Variants in GNAI1 observed in about 807,000 individuals in gnomAD.
GNAI1 encodes G protein subunit alpha i1.
Under a neutral mutation model 38.9 loss-of-function variants are expected in GNAI1, and 11 were observed. The observed-to-expected ratio is 0.28, with a 90% CI of 0.18 to 0.47. The LOEUF is 0.47. Ranked by LOEUF, GNAI1 falls within the 20% of genes least tolerant of loss-of-function variation. The probability of loss-of-function intolerance (pLI) is 0.99; values close to 1 mark genes in which losing one functional copy is unlikely to be tolerated. For missense variants in GNAI1, 317 were observed against 436.9 expected (o/e 0.73, Z 2.45); for synonymous variants, 166 against 145.1 (o/e 1.14, Z -1.04).
intron 1 of GNAI1, among the ~76,000 whole-genome samples, chr7:80,152,701 C>T (rs1423092852): frequency 6.6e-6 from 1 of 151,678 alleles, no homozygotes; most frequent in Non-Finnish European, 1.5e-5. Context: ...GCTGGGACTA[C>T]AGGCGCCTGC....
At chr7:80,209,644 T>C (rs1458634409) in intron 5 of GNAI1, among the ~76,000 whole-genome samples, 2 of 152,292 alleles carry the variant, frequency 1.3e-5, no homozygotes, top group African/African-American at 4.8e-5. Context: ...TGGGTTGTTA[T>C]TGACATCTGT....
chr7:80,154,501 T>C lies in GNAI1; in HGVS notation c.118+19223T>C, dbSNP rs549933812. ...TGGCAGGAATGAGGTGGCAACATGA[T>C]TTTTTGAACACTGTGTATACATTAA... is the stretch of plus-strand genomic sequence containing the variant. On this transcript the variant is annotated intron_variant, in intron 1 of 7. Transcript: ENST00000649796. Among the ~76,000 whole-genome samples, 15 of 152,134 alleles carry C rather than the reference T, an allele frequency of 9.9e-5. No homozygotes were observed. The South Asian group carries it at 3.1e-3, about 32-fold the overall frequency.
Position 80,225,434 on chromosome 7 carries a change from G to T in GNAI1, c.*7941G>T, listed in dbSNP as rs191495761. On this transcript the variant is annotated 3_prime_UTR_variant, in exon 8 of 8. Transcript: ENST00000649796. ...TGCAGCCAAATCAAAAGATTAGTGG[G>T]GTTTTTTTTAATGTTGTTATTGTGT... Among the ~76,000 whole-genome samples the T allele has an allele frequency of 3.1e-3, 476 of 151,674 alleles. 1 individual carries two copies. Among genetic ancestry groups the T allele is most frequent in the Non-Finnish European group, 5.2e-3 (356 of 67,828 alleles).
chr7:80,145,193 A>G (rs976863984), intron 1 of GNAI1, among the ~76,000 whole-genome samples: 1 of 152,184 alleles, frequency 6.6e-6, no homozygotes, highest in Admixed American at 6.5e-5. Context: ...TTTTATTTAA[A>G]CTTTTCAGAA....
chr7:80,182,162 A>G (rs953072379), intron 1 of GNAI1, among the ~76,000 whole-genome samples: 1 of 152,092 alleles, frequency 6.6e-6, no homozygotes, highest in Non-Finnish European at 1.5e-5. Flanking sequence ...GTTTATCCAT[A>G]CTATCACGAA....
At chr7:80,163,608 C>T (rs1787961076) in intron 1 of GNAI1, among the ~76,000 whole-genome samples, 1 of 152,054 alleles carries the variant, frequency 6.6e-6, no homozygotes, top group African/African-American at 2.4e-5. Context: ...TAGTTTTAGC[C>T]CATTATTGTT....
chr7:80,199,229 A>G lies in GNAI1; in HGVS notation c.308A>G (p.Asp103Gly), dbSNP rs1258014515. ...AAATGTCCTTTGAATGTTCAGGATG[A>G]TGCACGCCAACTCTTTGTGCTAGCT... The part of the protein sequence containing the change: ...IDFGDSARAD[D>G]ARQLFVLAGA... The change falls in exon 4 of 8, where the codon GAT (aspartate) becomes GGT (glycine). Residue 103 changes from aspartate (D) to glycine (G), a missense_variant. By Grantham distance (94) the Asp-to-Gly change is moderately conservative. Around this residue, in one of 5 missense-constraint regions of GNAI1, gnomAD observed 67 missense variants for 61.5 expected, o/e 1.09. Transcript: ENST00000649796. 4 of 1,607,560 alleles carry G rather than the reference A, an allele frequency of 2.5e-6. No homozygotes were observed. The East Asian group carries it at 8.9e-5, about 36-fold the overall frequency.
rs369995461 is a variant in GNAI1, at chr7:80,222,108, G to A, written c.*4615G>A. On this transcript the variant is annotated 3_prime_UTR_variant, in exon 8 of 8. Transcript: ENST00000649796. Reference sequence around the variant, plus strand: ...GATTTCTCTTATTTAGTTGGATTTTGTAGTTACTTTAAAAGTTACGAAATT... The same window carrying A: ...GATTTCTCTTATTTAGTTGGATTTTATAGTTACTTTAAAAGTTACGAAATT... Among the ~76,000 whole-genome samples the A allele has an allele frequency of 2.7e-5, 4 of 150,932 alleles. No individual in the cohort carries two copies. Among genetic ancestry groups the A allele is most frequent in the African/African-American group, 9.7e-5 (4 of 41,238 alleles).
At chr7:80,175,426 C>T (rs1441237665) in intron 1 of GNAI1, among the ~76,000 whole-genome samples, 2 of 151,914 alleles carry the variant, frequency 1.3e-5, no homozygotes, top group African/African-American at 4.8e-5. Flanking sequence ...TCCTGCAAAA[C>T]TTAACCAATT....
chr7:80,159,588 C>T (rs1306125632), intron 1 of GNAI1, among the ~76,000 whole-genome samples: 4 of 152,128 alleles, frequency 2.6e-5, no homozygotes, highest in Non-Finnish European at 4.4e-5. Flanking sequence ...TTAGCATATC[C>T]ATGACTTTAA....
intron 1 of GNAI1, among the ~76,000 whole-genome samples, chr7:80,160,053 G>A (rs2714452): frequency 0.22 from 33,258 of 152,056 alleles, 3,815 homozygotes; most frequent in African/African-American, 0.26. Context: ...TTGGCTTTAA[G>A]GATCTGTGCT....
chr7:80,140,483 TACA>T (rs1450904977), intron 1 of GNAI1, among the ~76,000 whole-genome samples: 6 of 152,230 alleles, frequency 3.9e-5, no homozygotes, highest in Non-Finnish European at 7.3e-5. Context: ...AAATTCTGTG[TACA>T]ACAAATTCAC....
At chr7:80,162,075 G>A (rs77864381) in intron 1 of GNAI1, among the ~76,000 whole-genome samples, 5,165 of 152,152 alleles carry the variant, frequency 0.034, 192 homozygotes, top group East Asian at 0.18. Context: ...GAGGTAATTG[G>A]GTTGGAATGA....
intron 3 of GNAI1, among the ~76,000 whole-genome samples, chr7:80,195,238 C>T (rs1788547540): frequency 6.6e-6 from 1 of 151,598 alleles, no homozygotes; most frequent in Non-Finnish European, 1.5e-5. Flanking sequence ...GATAATTTCC[C>T]TTCTTGACTT....
intron 1 of GNAI1, among the ~76,000 whole-genome samples, chr7:80,166,694 A>G (rs982545599): frequency 1.1e-4 from 16 of 152,172 alleles, no homozygotes; most frequent in African/African-American, 3.9e-4. Flanking sequence ...TTTGGCAATA[A>G]TATCTATATT....
At chr7:80,191,093 T>G (rs977076102) in intron 3 of GNAI1, among the ~76,000 whole-genome samples, 2 of 152,130 alleles carry the variant, frequency 1.3e-5, no homozygotes, top group African/African-American at 4.8e-5. Flanking sequence ...TCTTCCTGCC[T>G]TTAGACTATT....
In GNAI1 at chr7:80,135,364, G is replaced by A. The variant is rs28763988; in HGVS notation, c.118+86G>A. 1.1e-3 allele frequency: 798 copies of A among 731,950 alleles called. 1 individual carries two copies. Among genetic ancestry groups the A allele is most frequent in the Non-Finnish European group, 1.5e-3 (739 of 504,938 alleles). The allele number at this position is 731,950 out of a possible 1,614,324, so 45.3% of individuals were successfully genotyped here. On this transcript the variant is annotated intron_variant, in intron 1 of 7. Coordinates refer to ENST00000649796, the MANE Select transcript of GNAI1 (RefSeq NM_002069.6). ...CCCTCGGCGTTTGGAAACCCGGAGG[G>A]AAGGGGGAGGAAGCGCCCGAGGAGG...
At chr7:80,150,047 C>A (rs1787696768) in intron 1 of GNAI1, among the ~76,000 whole-genome samples, 1 of 152,166 alleles carries the variant, frequency 6.6e-6, no homozygotes, top group Admixed American at 6.5e-5. Context: ...CAGAACCGGA[C>A]AATACCAAAT....
intron 5 of GNAI1, among the ~76,000 whole-genome samples, 184 bp from the exon 6 acceptor site, chr7:80,210,785 C>T (rs1206536264): frequency 6.7e-6 from 1 of 148,214 alleles, no homozygotes; most frequent in Non-Finnish European, 1.5e-5. Flanking sequence ...TAAAAACTAG[C>T]AGGTTTTTTT....
Sources: allele counts gnomAD v4.1 joint callset (sites outside exome capture counted in the v4.1 genomes callset), GRCh38; gene constraint gnomAD v4.1.1; regional missense constraint gnomAD v4.1.1; transcripts MANE v1.5; gene names NCBI Gene and HGNC (gene_info 2026-07-23, HGNC 2026-07-21).